Variants in GALNT13 observed in about 807,000 individuals in gnomAD.
GALNT13 encodes polypeptide N-acetylgalactosaminyltransferase 13, also known as UDP-GalNAc:polypeptide N-acetylgalactosaminyltransferase 13.
A neutral mutation model predicts 64.2 loss-of-function variants in GALNT13; 28 were observed. The observed-to-expected ratio is 0.44, with a 90% CI of 0.32 to 0.60. The LOEUF (loss-of-function observed/expected upper bound fraction) is 0.60. Ranked by LOEUF, GALNT13 falls within the 20% of genes least tolerant of loss-of-function variation. GALNT13 has a pLI of 0.05. For synonymous variants in GALNT13, 214 were observed against 224.6 expected, an observed-to-expected ratio of 0.95 and a Z score of 0.42; for missense variants, 577 against 669.8, an observed-to-expected ratio of 0.86 and a Z score of 1.53.
the GALNT13 span, among the ~76,000 whole-genome samples, chr2:153,209,222 C>G: frequency 6.6e-6 from 1 of 151,974 alleles, no homozygotes; most frequent in Non-Finnish European, 1.5e-5. Context: ...CCTCAAGATC[C>G]ACCCGCCTCG....
At chr2:153,772,284 G>C in the GALNT13 span, among the ~76,000 whole-genome samples, 1 of 152,162 alleles carries the variant, frequency 6.6e-6, no homozygotes, top group Non-Finnish European at 1.5e-5. Flanking sequence ...TCTCAGTTCT[G>C]GGCATCGGAA....
chr2:153,418,738 G>A, the GALNT13 span, among the ~76,000 whole-genome samples: 3 of 152,072 alleles, frequency 2.0e-5, no homozygotes, highest in South Asian at 6.2e-4. Flanking sequence ...CATGCCTGTA[G>A]TCCCAGCTAC....
the GALNT13 span, among the ~76,000 whole-genome samples, chr2:153,400,850 A>G: frequency 6.6e-6 from 1 of 151,754 alleles, no homozygotes; most frequent in African/African-American, 2.4e-5. Context: ...CGGTCTATCA[A>G]TTTTGTTGAT....
the GALNT13 span, chr2:153,357,358 T>C: frequency 6.6e-6 from 1 of 152,192 alleles, no homozygotes; most frequent in African/African-American, 2.4e-5. Flanking sequence ...TATTTCAACT[T>C]GATTATTCTT....
At chr2:154,315,409 G>A (rs1009417415) in intron 9 of GALNT13, among the ~76,000 whole-genome samples, 3 of 152,146 alleles carry the variant, frequency 2.0e-5, no homozygotes, top group African/African-American at 7.2e-5. Context: ...CAGGGCTAGG[G>A]CTTTAAAAAC....
the GALNT13 span, among the ~76,000 whole-genome samples, chr2:153,454,029 A>G: frequency 6.6e-6 from 1 of 152,210 alleles, no homozygotes; most frequent in Admixed American, 6.5e-5. Flanking sequence ...TAATAAAAAA[A>G]TACCACATGT....
rs138793338 is a variant in GALNT13, at chr2:153,882,246, A to T, written c.-177+9943A>T. ...TGAGGAGATTCACTCTGCCCATATT[A>T]AGCCCCCAAAGGCCTGAGGCTCAAT... On this transcript the variant is annotated intron_variant, in intron 1 of 12. Transcript: ENST00000392825. 3.2e-3 allele frequency among the ~76,000 whole-genome samples: 483 copies of T among 152,118 alleles called. 1 individual carries two copies. Among genetic ancestry groups the T allele is most frequent in the Middle Eastern group, 6.8e-3 (2 of 294 alleles).
the GALNT13 span, among the ~76,000 whole-genome samples, chr2:153,093,155 G>T: frequency 3.3e-5 from 5 of 151,154 alleles, no homozygotes; most frequent in African/African-American, 1.2e-4. Flanking sequence ...GTACCACATT[G>T]ATTACATGTG....
At chr2:153,583,350 A>G in the GALNT13 span, among the ~76,000 whole-genome samples, 2 of 152,250 alleles carry the variant, frequency 1.3e-5, no homozygotes, top group Non-Finnish European at 2.9e-5. Context: ...GGTTGACTAG[A>G]AGAATTTCCA....
chr2:153,184,015 A>C, the GALNT13 span, among the ~76,000 whole-genome samples: 6 of 152,156 alleles, frequency 3.9e-5, no homozygotes, highest in African/African-American at 1.2e-4. Flanking sequence ...GAAGAATGTC[A>C]GTGGTAGTTT....
chr2:153,791,459 A>G, the GALNT13 span, among the ~76,000 whole-genome samples: 7 of 152,188 alleles, frequency 4.6e-5, no homozygotes, highest in African/African-American at 1.7e-4. Flanking sequence ...GAGAAAAGGG[A>G]ATGCTTATAC....
At chr2:154,346,211 A>G (rs945953655) in intron 9 of GALNT13, among the ~76,000 whole-genome samples, 1 of 152,096 alleles carries the variant, frequency 6.6e-6, no homozygotes, top group African/African-American at 2.4e-5. Context: ...AAGGAATTAA[A>G]TAAGATAAAT....
the GALNT13 span, among the ~76,000 whole-genome samples, chr2:153,704,178 C>T: frequency 6.6e-6 from 1 of 152,098 alleles, no homozygotes; most frequent in Non-Finnish European, 1.5e-5. Context: ...TTCTCTTTCT[C>T]ATTACCAGAA....
At chr2:153,553,347 A>T in the GALNT13 span, among the ~76,000 whole-genome samples, 1 of 149,298 alleles carries the variant, frequency 6.7e-6, no homozygotes, top group Admixed American at 6.6e-5. Flanking sequence ...GAAAAAAAAA[A>T]TAGCTGAGTG....
chr2:154,357,447 A>G (rs1696814397), intron 9 of GALNT13, among the ~76,000 whole-genome samples: 1 of 152,034 alleles, frequency 6.6e-6, no homozygotes, highest in Non-Finnish European at 1.5e-5. Flanking sequence ...ATTCAACTAC[A>G]TGCACAGTGT....
chr2:154,019,602 CCACACACACACACACACA>C (rs67316542), intron 3 of GALNT13, among the ~76,000 whole-genome samples: 110 of 126,528 alleles, frequency 8.7e-4, no homozygotes, highest in Middle Eastern at 8.1e-3. Context: ...GAGTAAGACT[CCACACACACACACACACA>C]CACACACACA....
chr2:153,470,579 A>AAG, the GALNT13 span, among the ~76,000 whole-genome samples: 4,877 of 152,212 alleles, frequency 0.032, 104 homozygotes, highest in Middle Eastern at 0.071. Context: ...GAGATGGAGA[A>AAG]AGTCTGAGTG....
intron 4 of GALNT13, among the ~76,000 whole-genome samples, chr2:154,224,733 A>C (rs2105829831): frequency 6.6e-6 from 1 of 152,222 alleles, no homozygotes; most frequent in African/African-American, 2.4e-5. Flanking sequence ...ATTTGACACA[A>C]ATCTCACATC....
chr2:154,084,039 C>A (rs1392012871), intron 3 of GALNT13, among the ~76,000 whole-genome samples: 1 of 151,792 alleles, frequency 6.6e-6, no homozygotes, highest in Non-Finnish European at 1.5e-5. Flanking sequence ...ACATAGGCTA[C>A]CTCTGGAATA....
Sources: allele counts gnomAD v4.1 joint callset (sites outside exome capture counted in the v4.1 genomes callset), GRCh38; gene constraint gnomAD v4.1.1; transcripts MANE v1.5; gene names NCBI Gene and HGNC (gene_info 2026-07-23, HGNC 2026-07-21).